The following PTPRJ variants were observed in gnomAD, a reference collection of about 807,000 sequenced individuals.
PTPRJ encodes receptor-type tyrosine-protein phosphatase eta.
In PTPRJ, 129 loss-of-function variants were observed where a neutral mutation model predicts 141.3. The observed-to-expected ratio is 0.91, with a 90% confidence interval of 0.79 to 1.06. PTPRJ has a LOEUF of 1.06. Among genes scored for constraint, PTPRJ ranks in the 50% least tolerant of loss-of-function variants. The pLI is 0.00. For missense variants in PTPRJ, 1,601 were observed against 1,679.7 expected, an observed-to-expected ratio of 0.95 and a Z score of 0.82; for synonymous variants, 610 against 640.5, an observed-to-expected ratio of 0.95 and a Z score of 0.72.
intron 21 of PTPRJ, among the ~76,000 whole-genome samples, chr11:48,156,669 C>T (rs1296352314): frequency 6.8e-6 from 1 of 147,262 alleles, no homozygotes; most frequent in Non-Finnish European, 1.5e-5. Flanking sequence ...TCATGGCTCA[C>T]TACAGCTTTG....
chr11:48,006,854 C>T (rs144538865), intron 1 of PTPRJ, among the ~76,000 whole-genome samples: 129 of 152,154 alleles, frequency 8.5e-4, no homozygotes, highest in Admixed American at 2.9e-3. Context: ...GCATTGGTAT[C>T]GTGATGACTT....
intron 3 of PTPRJ, among the ~76,000 whole-genome samples, chr11:48,113,437 A>G (rs1856488189): frequency 6.6e-6 from 1 of 152,222 alleles, no homozygotes; most frequent in South Asian, 2.1e-4. Context: ...TGGGCCAAAT[A>G]TAGATCACTT....
intron 1 of PTPRJ, among the ~76,000 whole-genome samples, chr11:48,042,515 T>G (rs1236297798): frequency 6.6e-6 from 1 of 152,182 alleles, no homozygotes; most frequent in African/African-American, 2.4e-5. Context: ...GAAAATTATA[T>G]TTTGAGTTAC....
At chr11:48,093,193 C>T (rs1193870023) in intron 1 of PTPRJ, among the ~76,000 whole-genome samples, 1 of 152,150 alleles carries the variant, frequency 6.6e-6, no homozygotes, top group Non-Finnish European at 1.5e-5. Context: ...ACTTTTCATT[C>T]ACATTTTGTC....
chr11:48,130,824 A>G (rs1312838793), intron 8 of PTPRJ, 108 bp downstream of exon 8: 2 of 1,239,354 alleles, frequency 1.6e-6, no homozygotes, highest in Non-Finnish European at 2.1e-6. Context: ...TTATCTAAGA[A>G]AAAACTTTAA....
intron 3 of PTPRJ, among the ~76,000 whole-genome samples, chr11:48,117,662 GT>G (rs1215389692): frequency 6.7e-6 from 1 of 149,144 alleles, no homozygotes; most frequent in Non-Finnish European, 1.5e-5. Flanking sequence ...AATGTAGCAC[GT>G]TAAGGAACTA....
At chr11:48,048,706 A>G (rs1231458979) in intron 1 of PTPRJ, among the ~76,000 whole-genome samples, 1 of 152,186 alleles carries the variant, frequency 6.6e-6, no homozygotes, top group Non-Finnish European at 1.5e-5. Flanking sequence ...AGGCAGGAGA[A>G]TCTCCTGAAC....
chr11:48,150,468 C>T lies in PTPRJ; in HGVS notation c.3138+285C>T, dbSNP rs192570264. Among the ~76,000 whole-genome samples the T allele has an allele frequency of 2.6e-5, 4 of 152,346 alleles. No homozygotes were observed. The East Asian group carries it at 7.7e-4, about 29-fold the overall frequency. ...TCCAAACCCTTTGCGTCATACTGTC[C>T]TGGATGTCTACCTTGGACTACTCCT... On this transcript the variant is annotated intron_variant, in intron 18 of 24. Coordinates refer to ENST00000418331, the MANE Select transcript of PTPRJ (RefSeq NM_002843.4).
intron 1 of PTPRJ, among the ~76,000 whole-genome samples, chr11:48,039,508 C>T (rs1854220618): frequency 6.7e-6 from 1 of 149,402 alleles, no homozygotes; most frequent in African/African-American, 2.5e-5. Flanking sequence ...TGTGTATGCA[C>T]ATGTGTGGCC....
At chr11:48,020,925 AT>A (rs1490410874) in intron 1 of PTPRJ, among the ~76,000 whole-genome samples, 2 of 152,302 alleles carry the variant, frequency 1.3e-5, no homozygotes, top group African/African-American at 4.8e-5. Context: ...GAAGAAAGAG[AT>A]TCTCAGATGG....
At chr11:48,073,044 C>A (rs185662119) in intron 1 of PTPRJ, among the ~76,000 whole-genome samples, 1 of 152,176 alleles carries the variant, frequency 6.6e-6, no homozygotes, top group Non-Finnish European at 1.5e-5. Flanking sequence ...TCATAGATAC[C>A]ATTTCATTTT....
At chr11:48,025,112 G>A (rs939119547) in intron 1 of PTPRJ, among the ~76,000 whole-genome samples, 2 of 152,196 alleles carry the variant, frequency 1.3e-5, no homozygotes, top group Admixed American at 1.3e-4. Context: ...TAGCACCTGG[G>A]CCTGGAGGGA....
Position 48,131,808 on chromosome 11 carries a change from A to G in PTPRJ, c.1615+1092A>G, listed in dbSNP as rs1380700440. On this transcript the variant is annotated intron_variant, in intron 8 of 24. Transcript: ENST00000418331. ...TTCAAATTGTGGTCCAGGGCTCTCT[A>G]GGGATCCCTAGGTTCTTTCAAGGGG... 5 of 353,120 alleles carry G rather than the reference A, an allele frequency of 1.4e-5. No homozygotes were observed. In the Admixed American group the frequency reaches 2.4e-4, roughly 17 times the overall value. The allele number at this position is 353,120 out of a possible 1,614,324, so 21.9% of individuals were successfully genotyped here.
chr11:48,084,960 A>G (rs1212180718), intron 1 of PTPRJ, among the ~76,000 whole-genome samples: 2 of 152,248 alleles, frequency 1.3e-5, no homozygotes, highest in Non-Finnish European at 2.9e-5. Flanking sequence ...ATGGATTTTC[A>G]TGTAACAGAA....
intron 1 of PTPRJ, among the ~76,000 whole-genome samples, chr11:47,983,038 A>G (rs1167133748): frequency 6.6e-6 from 1 of 152,192 alleles, no homozygotes; most frequent in Non-Finnish European, 1.5e-5. Flanking sequence ...CAGACTTTCA[A>G]GACAGCTGAA....
At chr11:48,037,153 C>T (rs113014902) in intron 1 of PTPRJ, among the ~76,000 whole-genome samples, 2 of 152,142 alleles carry the variant, frequency 1.3e-5, no homozygotes, top group Non-Finnish European at 2.9e-5. Flanking sequence ...TAGAGTGCCT[C>T]GGAGTTCCTA....
intron 7 of PTPRJ, among the ~76,000 whole-genome samples, chr11:48,129,603 T>G (rs935747743): frequency 1.1e-4 from 16 of 152,138 alleles, no homozygotes; most frequent in African/African-American, 3.9e-4. Flanking sequence ...GGAGCAGGCT[T>G]TAGGCCTCGC....
chr11:48,165,625 C>T (rs1590575570), intron 24 of PTPRJ, among the ~76,000 whole-genome samples: 1 of 152,130 alleles, frequency 6.6e-6, no homozygotes, highest in African/African-American at 2.4e-5. Context: ...GGGTACATTG[C>T]GTGCTCTGGG....
In PTPRJ at chr11:47,985,382, G is replaced by A. The variant is rs530720615; in HGVS notation, c.96+4374G>A. Reference sequence around the variant, plus strand: ...TCTGGTCTTGAACCTCTGGGCTCAAGTGATCTGCCCACCTTGGCTCCCCAA... The same window carrying A: ...TCTGGTCTTGAACCTCTGGGCTCAAATGATCTGCCCACCTTGGCTCCCCAA... On this transcript the variant is annotated intron_variant, in intron 1 of 24. Coordinates refer to ENST00000418331, the MANE Select transcript of PTPRJ (RefSeq NM_002843.4). Among the ~76,000 whole-genome samples the A allele has an allele frequency of 3.3e-5, 5 of 150,606 alleles. No homozygotes were observed. The South Asian group carries it at 1.1e-3, about 32-fold the overall frequency.
Sources: allele counts gnomAD v4.1 joint callset (sites outside exome capture counted in the v4.1 genomes callset), GRCh38; gene constraint gnomAD v4.1.1; transcripts MANE v1.5; gene names NCBI Gene and HGNC (gene_info 2026-07-23, HGNC 2026-07-21).